P4HA1: variants seen among roughly 807,000 people sequenced by gnomAD.
P4HA1 encodes the protein prolyl 4-hydroxylase subunit alpha-1.
P4HA1 carries 24 observed loss-of-function variants against 72.8 expected under a neutral mutation model. That is an observed-to-expected ratio of 0.33 (90% confidence interval 0.24 to 0.46). The LOEUF is 0.46. Among genes scored for constraint, P4HA1 ranks in the 20% least tolerant of loss-of-function variants. The pLI, the probability that P4HA1 is intolerant of heterozygous loss-of-function variation, is 1.00. For missense variants in P4HA1, 446 were observed against 640.6 expected, an observed-to-expected ratio of 0.70 and a Z score of 3.28; for synonymous variants, 201 against 218.8, an observed-to-expected ratio of 0.92 and a Z score of 0.72.
chr10:73,087,005 G>A (rs995435720), intron 1 of P4HA1, among the ~76,000 whole-genome samples: 47 of 150,452 alleles, frequency 3.1e-4, no homozygotes, highest in African/African-American at 1.1e-3. Context: ...AAATACCTAG[G>A]AGCGGGAATG....
intron 5 of P4HA1, chr10:73,065,057 G>A (rs895007289): frequency 2.6e-5 from 4 of 152,142 alleles, no homozygotes; most frequent in African/African-American, 4.8e-5. Context: ...TGATAGCTGA[G>A]TGAGCTCCAG....
intron 1 of P4HA1, among the ~76,000 whole-genome samples, chr10:73,079,150 CT>C (rs1414826195): frequency 2.6e-5 from 4 of 152,170 alleles, no homozygotes; most frequent in African/African-American, 7.2e-5. Flanking sequence ...TTCACTTTCT[CT>C]TTTTCAAAGA....
chr10:73,010,025 A>G lies in P4HA1; in HGVS notation c.1438-122T>C, dbSNP rs913265929. On this transcript the variant is annotated intron_variant, in intron 13 of 14. Coordinates refer to ENST00000394890, the MANE Select transcript of P4HA1 (RefSeq NM_001017962.3). ...GCTCTATCGCCCAGGCTGGAGTGCA[A>G]TGGCACGATCTCAGCTCACTGCAAC... 481 of 583,734 alleles carry G rather than the reference A, an allele frequency of 8.2e-4. 2 individuals carry two copies. The highest frequency in any genetic ancestry group is 1.1e-3 in the Non-Finnish European group (340 of 323,044). 36.2% of individuals were successfully genotyped at this position (583,734 alleles called of 1,614,324 possible). A position where few individuals can be genotyped will look rare whatever the true frequency, so the allele number is the denominator to read the frequency against.
At chr10:73,061,200 G>A (rs530355964) in intron 5 of P4HA1, among the ~76,000 whole-genome samples, 1 of 152,306 alleles carries the variant, frequency 6.6e-6, no homozygotes, top group African/African-American at 2.4e-5. Context: ...AAGTGGGACA[G>A]GACATTAGGT....
chr10:73,029,415 C>CAAA (rs769323241), intron 10 of P4HA1, among the ~76,000 whole-genome samples: 3 of 56,896 alleles, frequency 5.3e-5, no homozygotes, highest in Non-Finnish European at 9.0e-5. Flanking sequence ...GACTCCATCT[C>CAAA]AAAAAAAAAA....
intron 5 of P4HA1, among the ~76,000 whole-genome samples, chr10:73,054,429 T>C (rs1045629605): frequency 3.3e-5 from 5 of 152,158 alleles, no homozygotes; most frequent in Non-Finnish European, 7.4e-5. Flanking sequence ...TTTTCATCAC[T>C]CCAAAAAGAA....
chr10:73,081,443 T>C (rs1841821972), intron 1 of P4HA1, among the ~76,000 whole-genome samples: 1 of 152,192 alleles, frequency 6.6e-6, no homozygotes. Context: ...TGGTAGCATA[T>C]TACATTTTTT....
chr10:73,077,935 G>C (rs1841737441), intron 1 of P4HA1, among the ~76,000 whole-genome samples: 2 of 150,352 alleles, frequency 1.3e-5, no homozygotes, highest in Non-Finnish European at 3.0e-5. Flanking sequence ...GCTACAGTGA[G>C]CCATGATCTT....
At chr10:73,010,275 G>A (rs1839886751) in intron 13 of P4HA1, among the ~76,000 whole-genome samples, 2 of 152,008 alleles carry the variant, frequency 1.3e-5, no homozygotes. Context: ...GCCGTTTTCA[G>A]CAGTAATTTT....
At chr10:73,035,926 C>G (rs573418450) in intron 9 of P4HA1, among the ~76,000 whole-genome samples, 2 of 152,140 alleles carry the variant, frequency 1.3e-5, no homozygotes, top group African/African-American at 4.8e-5. Context: ...CAGTGGCTCA[C>G]GCCTGTAATC....
intron 7 of P4HA1, among the ~76,000 whole-genome samples, chr10:73,050,398 A>T (rs1270081184): frequency 7.3e-5 from 11 of 150,210 alleles, no homozygotes; most frequent in African/African-American, 2.7e-4. Flanking sequence ...GTATACTGTA[A>T]TTTTTTTTTT....
intron 9 of P4HA1, among the ~76,000 whole-genome samples, chr10:73,032,233 C>T (rs1472258706): frequency 6.6e-6 from 1 of 152,142 alleles, no homozygotes; most frequent in Non-Finnish European, 1.5e-5. Flanking sequence ...TCTGTACATC[C>T]CTCCAGTTAC....
intron 1 of P4HA1, among the ~76,000 whole-genome samples, chr10:73,075,942 A>C (rs1030982495): frequency 2.6e-5 from 4 of 152,048 alleles, no homozygotes; most frequent in Non-Finnish European, 4.4e-5. Context: ...GGTCAATAAA[A>C]TGTTCTAAAA....
rs774231072 is a variant in P4HA1 at position 73,041,548 on chromosome 10, CA to C, written c.1148+3432del. On this transcript the variant is annotated intron_variant, in intron 9 of 14. Coordinates refer to ENST00000394890, the MANE Select transcript of P4HA1 (RefSeq NM_001017962.3). ...ACAGAGCAAGACTCCATCCCCCCCC[CA>C]AAAAAAAAAAAAAAGAATTCTCTGA... Among the ~76,000 whole-genome samples, 255 of 110,284 alleles carry C rather than the reference CA, an allele frequency of 2.3e-3. 1 individual carries two copies. The highest frequency in any genetic ancestry group is 5.0e-3 in the East Asian group (20 of 3,972). 72.4% of individuals were successfully genotyped at this position (110,284 alleles called of 152,430 possible). A position where few individuals can be genotyped will look rare whatever the true frequency, so the allele number is the denominator to read the frequency against.
intron 1 of P4HA1, among the ~76,000 whole-genome samples, chr10:73,079,507 C>G (rs113348622): frequency 6.6e-6 from 1 of 152,022 alleles, no homozygotes; most frequent in Admixed American, 6.6e-5. Context: ...TTTGGGAGGC[C>G]AAGGTGGATG....
intron 1 of P4HA1, among the ~76,000 whole-genome samples, chr10:73,077,979 A>AC (rs1182413225): frequency 6.8e-6 from 1 of 146,764 alleles, no homozygotes; most frequent in East Asian, 2.0e-4. Flanking sequence ...ATAAAGTGAG[A>AC]CCCCATCTCA....
chr10:73,055,734 ATACT>A (rs752608225), intron 5 of P4HA1, among the ~76,000 whole-genome samples: 3 of 152,256 alleles, frequency 2.0e-5, no homozygotes, highest in African/African-American at 7.2e-5. Context: ...ACTTCAGAAA[ATACT>A]TAGTCTCATT....
In P4HA1 at chr10:73,096,018, CAG is replaced by C. The variant is rs1187616544; in HGVS notation, c.-33+746_-33+747del. On this transcript the variant is annotated intron_variant, in intron 1 of 14. Coordinates refer to ENST00000394890, the MANE Select transcript of P4HA1 (RefSeq NM_001017962.3). Reference sequence around the variant, plus strand: ...GCTGCAAATTCTCGGCAGAGAGAGACAGAGAGACAGAGATTGAGAGAAGAGCT... The same window carrying C: ...GCTGCAAATTCTCGGCAGAGAGAGACAGAGACAGAGATTGAGAGAAGAGCT... Among the ~76,000 whole-genome samples, 4 of 152,258 alleles carry C rather than the reference CAG, an allele frequency of 2.6e-5. No individual in the cohort carries two copies. The East Asian group carries it at 5.8e-4, about 22-fold the overall frequency.
intron 1 of P4HA1, among the ~76,000 whole-genome samples, chr10:73,094,122 CAT>C (rs1225112745): frequency 6.6e-6 from 1 of 151,424 alleles, no homozygotes; most frequent in African/African-American, 2.4e-5. Context: ...GTTAAGTTAC[CAT>C]ATATAGGAGA....
Sources: gnomAD v4.1 joint callset for allele counts (sites outside exome capture counted in the v4.1 genomes callset) on GRCh38, gnomAD v4.1.1 for gene constraint, MANE v1.5 for transcripts, NCBI Gene and HGNC (gene_info 2026-07-23, HGNC 2026-07-21) for gene names.